Variants in ATP10A observed in about 807,000 individuals in gnomAD.
The protein encoded by ATP10A is ATPase phospholipid transporting 10A (putative).
Under a neutral mutation model 147.8 loss-of-function variants are expected in ATP10A, and 111 were observed. The observed-to-expected ratio is 0.75, with a 90% CI of 0.64 to 0.88. The LOEUF (loss-of-function observed/expected upper bound fraction) is 0.88. Ranked by LOEUF, ATP10A falls within the 40% of genes least tolerant of loss-of-function variation. The pLI is 0.00. For missense variants in ATP10A, 1,927 were observed against 1,959.0 expected, an observed-to-expected ratio of 0.98 and a Z score of 0.31; for synonymous variants, 875 against 841.6, an observed-to-expected ratio of 1.04 and a Z score of -0.69.
At chr15:25,821,593 A>G (rs1891893089) in intron 1 of ATP10A, among the ~76,000 whole-genome samples, 1 of 152,128 alleles carries the variant, frequency 6.6e-6, no homozygotes, top group Non-Finnish European at 1.5e-5. Flanking sequence ...GTGGCATCCA[A>G]TTTTGGAAGG....
At chr15:25,795,316 G>A (rs1015691094) in intron 1 of ATP10A, among the ~76,000 whole-genome samples, 8 of 152,078 alleles carry the variant, frequency 5.3e-5, no homozygotes, top group Non-Finnish European at 1.2e-4. Flanking sequence ...CACGGAGGGA[G>A]GGCCTGCGCC....
chr15:25,713,608 G>T, intron 10 of ATP10A, 66 bp downstream of exon 10: 2 of 1,439,142 alleles, frequency 1.4e-6, no homozygotes, highest in Non-Finnish European at 1.9e-6. Flanking sequence ...AGAAGGAATT[G>T]GGTGGGGATA....
At position 25,716,846 on chromosome 15, in the gene ATP10A, G is replaced by C; in HGVS notation, c.1660C>G (p.Gln554Glu). 1 of 1,610,776 alleles carries C rather than the reference G, an allele frequency of 6.2e-7. No individual in the cohort carries two copies. ...CDKSLAVARH[Q>E]EHLLAHLSPE... The stretch of plus-strand genomic sequence containing the variant: ...GAGAGGTGGGCCAGCAGGTGCTCCT[G>C]ATGCCTCGCCACGGCTAGGCTCTTG... The change falls in exon 9 of 21, where the codon CAG becomes GAG. Residue 554 changes from glutamine (Q) to glutamate (E), a missense_variant. Physicochemically the swap from Gln to Glu is conservative, Grantham distance 29 (BLOSUM62 2). Coordinates refer to ENST00000555815, the MANE Select transcript of ATP10A (RefSeq NM_024490.4).
intron 1 of ATP10A, among the ~76,000 whole-genome samples, chr15:25,843,152 C>T (rs998390397): frequency 5.3e-5 from 8 of 152,292 alleles, no homozygotes; most frequent in African/African-American, 1.9e-4. Context: ...AGCGCAGTCA[C>T]GCCATGTGCC....
chr15:25,720,901 G>T (rs1389294488), intron 7 of ATP10A, among the ~76,000 whole-genome samples: 2 of 152,128 alleles, frequency 1.3e-5, no homozygotes, highest in African/African-American at 4.8e-5. Flanking sequence ...CGTTCCCTCT[G>T]TCCGGTTTTA....
At chr15:25,718,848 G>A (rs1902023100) in intron 7 of ATP10A, among the ~76,000 whole-genome samples, 1 of 152,096 alleles carries the variant, frequency 6.6e-6, no homozygotes, top group Non-Finnish European at 1.5e-5. Flanking sequence ...GCCACCATCT[G>A]CTCCTGTCTG....
intron 1 of ATP10A, among the ~76,000 whole-genome samples, chr15:25,802,091 G>A (rs1032170025): frequency 6.6e-6 from 1 of 152,168 alleles, no homozygotes; most frequent in Non-Finnish European, 1.5e-5. Flanking sequence ...TAATTTTCCT[G>A]TGTTGACTCG....
rs140982945 is a variant in ATP10A, at chr15:25,726,068, C to G, written c.862G>C (p.Ala288Pro). The change falls in exon 5 of 21, where the codon GCT becomes CCT. Residue 288 changes from alanine (A) to proline (P), a missense_variant. Ala to Pro is a conservative substitution (Grantham distance 27). Transcript: ENST00000555815. ...IVIYAGHETK[A>P]LLNNSGPRYK... Reference sequence around the variant, plus strand: ...CGGGGCCCACTGTTGTTCAGCAGAGCCTTGGTTTCATGTCCTGTCGGGGAG... The same window carrying G: ...CGGGGCCCACTGTTGTTCAGCAGAGGCTTGGTTTCATGTCCTGTCGGGGAG... The G allele has an allele frequency of 1.3e-4, 202 of 1,613,810 alleles. No individual in the cohort carries two copies. The highest frequency in any genetic ancestry group is 1.6e-4 in the Non-Finnish European group (188 of 1,179,910).
chr15:25,747,365 G>A (rs550174470), intron 2 of ATP10A, among the ~76,000 whole-genome samples: 102 of 151,154 alleles, frequency 6.7e-4, no homozygotes, highest in African/African-American at 2.1e-3. Context: ...GCTTGCTTTC[G>A]GGGAAATTAA....
At chr15:25,733,372 G>C (rs1233443238) in intron 3 of ATP10A, among the ~76,000 whole-genome samples, 1 of 152,072 alleles carries the variant, frequency 6.6e-6, no homozygotes, top group Non-Finnish European at 1.5e-5. Context: ...GCGTTACCAG[G>C]CCCTACAGGA....
chr15:25,685,630 A>G (rs920371717), intron 16 of ATP10A, among the ~76,000 whole-genome samples: 1 of 152,076 alleles, frequency 6.6e-6, no homozygotes, highest in Non-Finnish European at 1.5e-5. Context: ...CAGGAGTTTG[A>G]CACCAGCCTG....
chr15:25,785,775 T>C (rs544789767), intron 1 of ATP10A, among the ~76,000 whole-genome samples: 2 of 152,306 alleles, frequency 1.3e-5, no homozygotes, highest in African/African-American at 4.8e-5. Flanking sequence ...TGGGGAAGTC[T>C]GGCTGTGCTG....
chr15:25,682,704 G>A (rs889477006), intron 17 of ATP10A, among the ~76,000 whole-genome samples: 2 of 152,194 alleles, frequency 1.3e-5, no homozygotes, highest in Non-Finnish European at 2.9e-5. Flanking sequence ...AGGTGGCCAG[G>A]GGAAGTTAAC....
chr15:25,835,970 C>A (rs576158804), intron 1 of ATP10A, among the ~76,000 whole-genome samples: 1 of 152,180 alleles, frequency 6.6e-6, no homozygotes, highest in Non-Finnish European at 1.5e-5. Context: ...CCTGCCACCA[C>A]GGCCGGCTAA....
chr15:25,674,690 C>T (rs1899102994), downstream of ATP10A, among the ~76,000 whole-genome samples: 1 of 152,212 alleles, frequency 6.6e-6, no homozygotes, highest in Non-Finnish European at 1.5e-5. Context: ...TGTCATTTAA[C>T]TTTGAGATGC....
chr15:25,749,567 A>G (rs1033639880), intron 2 of ATP10A, among the ~76,000 whole-genome samples: 1 of 152,214 alleles, frequency 6.6e-6, no homozygotes, highest in African/African-American at 2.4e-5. Context: ...ACAACTCAAG[A>G]ATATTTATAG....
intron 13 of ATP10A, among the ~76,000 whole-genome samples, chr15:25,698,518 T>TAGCA (rs57015428): frequency 6.6e-6 from 1 of 152,112 alleles, no homozygotes; most frequent in Non-Finnish European, 1.5e-5. Flanking sequence ...GACTATTTGT[T>TAGCA]ATCAGTAAGG....
At chr15:25,793,504 G>A (rs1890529161) in intron 1 of ATP10A, among the ~76,000 whole-genome samples, 1 of 152,192 alleles carries the variant, frequency 6.6e-6, no homozygotes, top group African/African-American at 2.4e-5. Flanking sequence ...TGTGCTCCCT[G>A]AGTGATTATA....
rs370655675 is a variant in ATP10A, at chr15:25,757,435, T to A, written c.655-21294A>T. Among the ~76,000 whole-genome samples, 7 of 152,128 alleles carry A rather than the reference T, an allele frequency of 4.6e-5. No individual in the cohort carries two copies. The East Asian group carries it at 1.2e-3, about 25-fold the overall frequency. ...TTGTATGCAAAATGTACAAAGAAAGTAAGATGTGTTTTTGGTGAGAAAAAT... is the reference window on the plus strand; with the variant it reads ...TTGTATGCAAAATGTACAAAGAAAGAAAGATGTGTTTTTGGTGAGAAAAAT... On this transcript the variant is annotated intron_variant, in intron 2 of 20. Coordinates refer to ENST00000555815, the MANE Select transcript of ATP10A (RefSeq NM_024490.4).
Sources: gnomAD v4.1 joint callset for allele counts (sites outside exome capture counted in the v4.1 genomes callset) on GRCh38, gnomAD v4.1.1 for gene constraint, MANE v1.5 for transcripts, NCBI Gene and HGNC (gene_info 2026-07-23, HGNC 2026-07-21) for gene names.